CLTB: variants seen among roughly 807,000 people sequenced by gnomAD.
CLTB encodes clathrin, light chain (Lcb).
A neutral mutation model predicts 30.5 loss-of-function variants in CLTB; 10 were observed. The ratio of observed to expected loss-of-function variants is 0.33; its 90% CI spans 0.20 to 0.56. CLTB has a LOEUF of 0.56. Ranked by LOEUF, CLTB falls within the 20% of genes least tolerant of loss-of-function variation. The pLI is 0.91. For missense variants in CLTB, 261 were observed against 308.3 expected, an observed-to-expected ratio of 0.85 and a Z score of 1.15; for synonymous variants, 102 against 120.3, an observed-to-expected ratio of 0.85 and a Z score of 1.00.
At chr5:176,409,870 G>A (rs1045137399) in intron 2 of CLTB, among the ~76,000 whole-genome samples, 1 of 152,180 alleles carries the variant, frequency 6.6e-6, no homozygotes, top group Non-Finnish European at 1.5e-5. Context: ...GGAAAATTCT[G>A]GAAGTGGAAT....
intron 2 of CLTB, among the ~76,000 whole-genome samples, chr5:176,398,606 G>A (rs753846656): frequency 2.6e-5 from 4 of 151,864 alleles, no homozygotes; most frequent in Non-Finnish European, 2.9e-5. Flanking sequence ...CAGCTACTCC[G>A]GAGGCTGAGG....
chr5:176,407,651 A>G (rs959143964), intron 2 of CLTB: 1 of 152,260 alleles, frequency 6.6e-6, no homozygotes, highest in Non-Finnish European at 1.5e-5. Context: ...CTCCAGGTGC[A>G]CTTTAGGACA....
chr5:176,401,083 C>A (rs1756796035), intron 2 of CLTB, among the ~76,000 whole-genome samples: 1 of 152,232 alleles, frequency 6.6e-6, no homozygotes, highest in South Asian at 2.1e-4. Flanking sequence ...CAGAGACTCT[C>A]TCCCAACATC....
intron 4 of CLTB, among the ~76,000 whole-genome samples, chr5:176,397,048 C>A (rs764713536): frequency 6.6e-6 from 1 of 152,144 alleles, no homozygotes; most frequent in Non-Finnish European, 1.5e-5. Context: ...CCATGGCCTT[C>A]GTGCAGAGGG....
Position 176,398,041 on chromosome 5 carries a change from T to C in CLTB, c.241A>G (p.Asn81Asp), listed in dbSNP as rs776999774. 1.9e-6 allele frequency: 3 copies of C among 1,613,872 alleles called. No individual in the cohort carries two copies. Among genetic ancestry groups the C allele is most frequent in the African/African-American group, 1.3e-5 (1 of 75,060 alleles). Residue 81 changes from asparagine (N) to aspartate (D), a missense_variant, in exon 3 of 6, where the codon AAC (asparagine) becomes GAC (aspartate). Asn to Asp is a conservative substitution (Grantham distance 23, BLOSUM62 1). Transcript: ENST00000310418. Reference protein sequence around the residue: ...TVNGDVFQEANGPADGYAAIA... With the variant: ...TVNGDVFQEADGPADGYAAIA... ...GCTGCGTAGCCATCAGCAGGACCGT[T>C]GGCCTCCTAGAACACAAACACGCAG...
chr5:176,411,026 C>A (rs1757403475), intron 1 of CLTB, among the ~76,000 whole-genome samples: 1 of 152,244 alleles, frequency 6.6e-6, no homozygotes, highest in African/African-American at 2.4e-5. Flanking sequence ...ACCTCACCAC[C>A]TTGCACCTGC....
intron 1 of CLTB, among the ~76,000 whole-genome samples, chr5:176,413,072 A>G (rs1757528835): frequency 6.6e-6 from 1 of 152,158 alleles, no homozygotes; most frequent in African/African-American, 2.4e-5. Context: ...TCCTCTGGAC[A>G]TGCAGTTTCG....
intron 4 of CLTB, among the ~76,000 whole-genome samples, 159 bp from the exon 5 acceptor site, chr5:176,396,691 C>T (rs1207382381): frequency 2.0e-5 from 3 of 152,158 alleles, no homozygotes; most frequent in Non-Finnish European, 4.4e-5. Context: ...CAACGACCCA[C>T]AGCCCCAAAC....
At chr5:176,407,222 G>C (rs1424877576) in intron 2 of CLTB, among the ~76,000 whole-genome samples, 2 of 152,102 alleles carry the variant, frequency 1.3e-5, no homozygotes, top group Non-Finnish European at 2.9e-5. Flanking sequence ...TGATTTCCTG[G>C]GTGACTTTGC....
intron 2 of CLTB, 79 bp downstream of exon 2, chr5:176,410,178 A>G: frequency 8.2e-7 from 1 of 1,226,580 alleles, no homozygotes; most frequent in Non-Finnish European, 1.2e-6. Context: ...TGGAGCTGTA[A>G]GCCTACAACA....
intron 4 of CLTB, among the ~76,000 whole-genome samples, 164 bp from the exon 5 acceptor site, chr5:176,396,696 C>T (rs920386617): frequency 3.9e-5 from 6 of 152,098 alleles, no homozygotes; most frequent in African/African-American, 1.2e-4. Flanking sequence ...ACCCACAGCC[C>T]CAAACAGGAG....
chr5:176,392,496 AAG>A (rs1756296119), downstream of CLTB: 1 of 414,642 alleles, frequency 2.4e-6, no homozygotes, highest in Admixed American at 3.8e-5. The surrounding 1 kb of genome is among the most constrained non-coding windows in gnomAD (Gnocchi z 5.2). Context: ...TAAGTGTAAA[AAG>A]AGTCAACAAC....
chr5:176,408,182 G>A (rs1479572993), intron 2 of CLTB, among the ~76,000 whole-genome samples: 1 of 151,968 alleles, frequency 6.6e-6, no homozygotes, highest in Admixed American at 6.6e-5. Context: ...GGTGGGTGCG[G>A]ACAGAAGCAG....
intron 1 of CLTB, among the ~76,000 whole-genome samples, chr5:176,411,794 C>T (rs1327197248): frequency 5.3e-5 from 8 of 152,162 alleles, no homozygotes; most frequent in Admixed American, 5.2e-4. Context: ...TCCCACCAGC[C>T]CATCCCACAA....
In CLTB at chr5:176,393,017, T is replaced by C; in HGVS notation, c.519-72A>G. 1 of 1,499,044 alleles carries C rather than the reference T, an allele frequency of 6.7e-7. No individual in the cohort carries two copies. Among genetic ancestry groups the C allele is most frequent in the Non-Finnish European group, 9.3e-7 (1 of 1,080,140 alleles). 92.9% of individuals were successfully genotyped at this position (1,499,044 alleles called of 1,614,324 possible). A position where few individuals can be genotyped will look rare whatever the true frequency, so the allele number is the denominator to read the frequency against. The stretch of plus-strand genomic sequence containing the variant: ...CAGCCTTGCCCTTGAGCAAGGCTGC[T>C]TTGCCCAGCCTACTCTGGGGCACTG... On this transcript the variant is annotated intron_variant, in intron 5 of 5. Transcript: ENST00000310418. This position sits in a 1 kb window ranked among gnomAD's most constrained non-coding sequence, Gnocchi z 4.4.
chr5:176,410,125 A>C (rs370737537), intron 2 of CLTB, 132 bp downstream of exon 2: 4 of 768,736 alleles, frequency 5.2e-6, no homozygotes, highest in African/African-American at 1.8e-5. Context: ...ACCTTTCTCT[A>C]TGTTTCCACC....
At chr5:176,415,231 T>C (rs1412023016) in intron 1 of CLTB, among the ~76,000 whole-genome samples, 2 of 152,192 alleles carry the variant, frequency 1.3e-5, no homozygotes, top group African/African-American at 4.8e-5. Flanking sequence ...CGGACCACCT[T>C]TGGAAAACCA....
chr5:176,400,916 T>A (rs1756785291), intron 2 of CLTB, among the ~76,000 whole-genome samples: 1 of 152,094 alleles, frequency 6.6e-6, no homozygotes, highest in Non-Finnish European at 1.5e-5. Context: ...AGGGAACACA[T>A]AGATGGAACA....
chr5:176,396,917 C>T (rs1299999069), intron 4 of CLTB, among the ~76,000 whole-genome samples: 4 of 151,942 alleles, frequency 2.6e-5, no homozygotes, highest in Non-Finnish European at 4.4e-5. Context: ...TTTTTTTCTT[C>T]GTACCCAGGT....
Sources: allele counts gnomAD v4.1 joint callset (sites outside exome capture counted in the v4.1 genomes callset), GRCh38; gene constraint gnomAD v4.1.1; non-coding constraint Gnocchi (gnomAD v3.1); transcripts MANE v1.5; gene names NCBI Gene and HGNC (gene_info 2026-07-23, HGNC 2026-07-21).